NALF1: variants seen among roughly 807,000 people sequenced by gnomAD.
NALF1 encodes family with sequence similarity 155 member A.
Under a neutral mutation model 48.4 loss-of-function variants are expected in NALF1, and 3 were observed. The observed-to-expected ratio is 0.06, with a 90% CI of 0.03 to 0.16. The LOEUF (loss-of-function observed/expected upper bound fraction) is 0.16, where lower values mean the gene tolerates loss of function less well. Among genes scored for constraint, NALF1 ranks in the 10% least tolerant of loss-of-function variants. The pLI, the probability that NALF1 is intolerant of heterozygous loss-of-function variation, is 1.00. For synonymous variants in NALF1, 262 were observed against 245.7 expected (o/e 1.07, Z -0.62); for missense variants, 526 against 571.5 (o/e 0.92, Z 0.81).
intron 1 of NALF1, among the ~76,000 whole-genome samples, chr13:107,297,244 T>G (rs1881743867): frequency 6.6e-6 from 1 of 152,188 alleles, no homozygotes; most frequent in African/African-American, 2.4e-5. Flanking sequence ...TCTTTTTCAT[T>G]GTTTTTTACC....
intron 1 of NALF1, among the ~76,000 whole-genome samples, chr13:107,537,877 G>A (rs1042136559): frequency 6.6e-6 from 1 of 152,040 alleles, no homozygotes; most frequent in Admixed American, 6.6e-5. Flanking sequence ...AATTAGCTGG[G>A]CATGGTGGCA....
intron 1 of NALF1, among the ~76,000 whole-genome samples, chr13:107,840,807 C>A (rs890382386): frequency 9.9e-5 from 15 of 152,216 alleles, no homozygotes; most frequent in African/African-American, 3.4e-4. Flanking sequence ...ACACCCTGGT[C>A]TTTCTAGTCT....
intron 1 of NALF1, among the ~76,000 whole-genome samples, chr13:107,322,460 C>G (rs1175913987): frequency 6.6e-6 from 1 of 152,160 alleles, no homozygotes; most frequent in Non-Finnish European, 1.5e-5. Context: ...TAGAAATTAA[C>G]TATGAGTCAT....
chr13:107,390,273 A>G (rs1242072836), intron 1 of NALF1, among the ~76,000 whole-genome samples: 3 of 151,642 alleles, frequency 2.0e-5, no homozygotes, highest in Non-Finnish European at 2.9e-5. Context: ...TGAGCCCGGG[A>G]GGTGGAGGTT....
intron 1 of NALF1, among the ~76,000 whole-genome samples, chr13:107,640,480 T>TA (rs1347606769): frequency 2.0e-5 from 3 of 152,168 alleles, no homozygotes; most frequent in Admixed American, 6.6e-5. Flanking sequence ...CAAACTATTT[T>TA]AGCCAACTTT....
At chr13:107,580,980 T>G (rs558085218) in intron 1 of NALF1, among the ~76,000 whole-genome samples, 1 of 152,096 alleles carries the variant, frequency 6.6e-6, no homozygotes, top group Non-Finnish European at 1.5e-5. Context: ...AGGCTTTAAA[T>G]GAGTTGGAGA....
At chr13:107,416,581 G>C (rs1441954855) in intron 1 of NALF1, among the ~76,000 whole-genome samples, 1 of 151,942 alleles carries the variant, frequency 6.6e-6, no homozygotes, top group Non-Finnish European at 1.5e-5. Flanking sequence ...AGCTTAACTT[G>C]TTGCAAGATA....
intron 1 of NALF1, among the ~76,000 whole-genome samples, chr13:107,576,930 T>C (rs1224264019): frequency 3.3e-5 from 5 of 152,184 alleles, no homozygotes; most frequent in South Asian, 2.1e-4. Context: ...GGAGCCAGCA[T>C]TACAAGGAAG....
intron 1 of NALF1, among the ~76,000 whole-genome samples, chr13:107,589,775 C>T (rs1594145765): frequency 6.6e-6 from 1 of 151,816 alleles, no homozygotes; most frequent in Non-Finnish European, 1.5e-5. Context: ...AAACTTGTAT[C>T]TTCTTTCTTT....
intron 2 of NALF1, among the ~76,000 whole-genome samples, chr13:107,172,587 T>TA (rs201848288): frequency 1.4e-3 from 217 of 151,578 alleles, no homozygotes; most frequent in Admixed American, 3.2e-3. Flanking sequence ...AGGTAGAATA[T>TA]AAAAAAAAAC....
At chr13:107,313,977 G>A (rs1289929207) in intron 1 of NALF1, among the ~76,000 whole-genome samples, 3 of 152,138 alleles carry the variant, frequency 2.0e-5, no homozygotes, top group Non-Finnish European at 1.5e-5. Context: ...TCAGGGGTGC[G>A]TCCTTAACCT....
rs1453351207 is a variant in NALF1, at chr13:107,862,100, T to C, written c.915+3582A>G. 2.0e-5 allele frequency among the ~76,000 whole-genome samples: 3 copies of C among 152,196 alleles called. No homozygotes were observed. In the East Asian group the frequency reaches 5.8e-4, roughly 29 times the overall value. On this transcript the variant is annotated intron_variant, in intron 1 of 2. Coordinates refer to ENST00000375915, the MANE Select transcript of NALF1 (RefSeq NM_001080396.3). ...TATACTGAGAGAACTAAAGTACAGATGGTACAATGGTTTATTTTGCAATCT... is the reference window on the plus strand; with the variant it reads ...TATACTGAGAGAACTAAAGTACAGACGGTACAATGGTTTATTTTGCAATCT...
rs1880698261 is a variant in NALF1 at position 107,865,848 on chromosome 13, A to T, written c.749T>A (p.Val250Glu). The change falls in exon 1 of 3, where the codon GTG becomes GAG. Residue 250 changes from valine to glutamate, a missense_variant. Physicochemically the swap from Val to Glu is moderately radical, Grantham distance 121. Transcript: ENST00000375915. ...CATCTCGCCGCCTTCCTTGAGCACC[A>T]CATCCAGACTGCAGTTCAAAGTGTT... ...SPNTLNCSLD[V>E]VLKEGGEMTT... 18 of 1,613,946 alleles carry T rather than the reference A, an allele frequency of 1.1e-5. No homozygotes were observed. Among genetic ancestry groups the T allele is most frequent in the Non-Finnish European group, 1.5e-5 (18 of 1,180,004 alleles).
At chr13:107,426,984 A>G (rs1364905475) in intron 1 of NALF1, among the ~76,000 whole-genome samples, 1 of 151,994 alleles carries the variant, frequency 6.6e-6, no homozygotes, top group Non-Finnish European at 1.5e-5. Context: ...ATTAAGTGCA[A>G]CAAGTACATA....
intron 1 of NALF1, among the ~76,000 whole-genome samples, chr13:107,541,036 A>T (rs1876984547): frequency 6.6e-6 from 1 of 152,168 alleles, no homozygotes; most frequent in Non-Finnish European, 1.5e-5. Flanking sequence ...TAAATGAATT[A>T]AAAACAGCTC....
At chr13:107,450,966 G>T (rs1884730134) in intron 1 of NALF1, among the ~76,000 whole-genome samples, 1 of 152,174 alleles carries the variant, frequency 6.6e-6, no homozygotes, top group Non-Finnish European at 1.5e-5. Flanking sequence ...GATGGGGTGT[G>T]AGTCACAGCA....
chr13:107,746,515 G>T (rs576150984), intron 1 of NALF1, among the ~76,000 whole-genome samples: 392 of 152,236 alleles, frequency 2.6e-3, no homozygotes, highest in African/African-American at 9.2e-3. Context: ...AGGCATTTTT[G>T]AGATCAATTG....
At chr13:107,222,878 C>T (rs989692569) in intron 1 of NALF1, among the ~76,000 whole-genome samples, 14 of 152,196 alleles carry the variant, frequency 9.2e-5, no homozygotes, top group African/African-American at 3.4e-4. Context: ...CCTCTAAACA[C>T]AAGCTCAGGG....
intron 1 of NALF1, among the ~76,000 whole-genome samples, chr13:107,254,499 A>G (rs977266110): frequency 6.6e-6 from 1 of 152,190 alleles, no homozygotes; most frequent in African/African-American, 2.4e-5. Context: ...CCGACACCAT[A>G]GTCCACAAAG....
Sources: gnomAD v4.1 joint callset for allele counts (sites outside exome capture counted in the v4.1 genomes callset) on GRCh38, gnomAD v4.1.1 for gene constraint, MANE v1.5 for transcripts, NCBI Gene and HGNC (gene_info 2026-07-23, HGNC 2026-07-21) for gene names.